Variants in CDH26 observed in about 807,000 individuals in gnomAD.
CDH26 encodes the protein cadherin 26, also known as cadherin-like protein 26.
A neutral mutation model predicts 90.3 loss-of-function variants in CDH26; 83 were observed. The ratio of observed to expected loss-of-function variants is 0.92; its 90% CI spans 0.77 to 1.10. The LOEUF is 1.10. Among genes scored for constraint, CDH26 ranks in the 50% least tolerant of loss-of-function variants. The probability of loss-of-function intolerance (pLI) is 0.00; values close to 1 mark genes in which losing one functional copy is unlikely to be tolerated. For synonymous variants in CDH26, 397 were observed against 396.3 expected, an observed-to-expected ratio of 1.00 and a Z score of -0.02; for missense variants, 1,013 against 1,037.6, an observed-to-expected ratio of 0.98 and a Z score of 0.33.
chr20:59,962,081 G>T (rs1394653182), intron 1 of CDH26, among the ~76,000 whole-genome samples: 1 of 152,210 alleles, frequency 6.6e-6, no homozygotes, highest in Non-Finnish European at 1.5e-5. Flanking sequence ...AGAAGGTGGG[G>T]ATAGTGTGGT....
chr20:59,968,975 C>T lies in CDH26; in HGVS notation c.78C>T (p.Ile26=). 1 of 1,565,170 alleles carries T rather than the reference C, an allele frequency of 6.4e-7. No individual in the cohort carries two copies. The highest frequency in any genetic ancestry group is 8.8e-7 in the Non-Finnish European group (1 of 1,137,332). The change falls in exon 2 of 18, where the codon ATC becomes ATT. Residue 26 remains isoleucine (I), a synonymous_variant. Transcript: ENST00000348616. ...TTATTTTTATTTTTAAGGTCAGTAT[C>T]ATTGACAGTGTTCAACAGGAAACAG... ...VLLLWLLQVS[I]IDSVQQETDD... is the part of the protein sequence containing the mutation.
chr20:60,023,383 G>T (rs1164481972), intron 7 of CDH26, among the ~76,000 whole-genome samples: 2 of 152,224 alleles, frequency 1.3e-5, no homozygotes, highest in African/African-American at 4.8e-5. Context: ...CGAAGCACGT[G>T]GCCTTGGCTT....
intron 7 of CDH26, among the ~76,000 whole-genome samples, chr20:60,028,707 A>T (rs145086556): frequency 2.4e-4 from 36 of 152,310 alleles, no homozygotes; most frequent in African/African-American, 8.4e-4. Context: ...TTGTGGAGAC[A>T]TCTGAACCCT....
intron 7 of CDH26, among the ~76,000 whole-genome samples, chr20:60,019,965 A>G (rs1312216810): frequency 6.6e-6 from 1 of 152,144 alleles, no homozygotes; most frequent in Admixed American, 6.5e-5. Context: ...GTCTTCAACT[A>G]TAATCCATGC....
intron 4 of CDH26, among the ~76,000 whole-genome samples, chr20:59,982,098 C>A (rs978344081): frequency 3.3e-5 from 5 of 152,132 alleles, no homozygotes; most frequent in African/African-American, 9.7e-5. Flanking sequence ...TATGTAGAAT[C>A]TCTAGTGATA....
At position 59,976,436 on chromosome 20, in the gene CDH26, C is replaced by T. The variant is rs553917258; in HGVS notation, c.393+4313C>T. On this transcript the variant is annotated intron_variant, in intron 4 of 17. Coordinates refer to ENST00000348616, the MANE Select transcript of CDH26 (RefSeq NM_177980.4). ...ATCTTATGGAACTAAAGGTCTCATA[C>T]GTAGCTTTAGGATAATAAATGAAAT... 4.6e-5 allele frequency among the ~76,000 whole-genome samples: 7 copies of T among 152,214 alleles called. No homozygotes were observed. The East Asian group carries it at 5.8e-4, about 13-fold the overall frequency.
intron 4 of CDH26, among the ~76,000 whole-genome samples, chr20:59,980,143 G>C (rs1164922996): frequency 6.6e-6 from 1 of 152,146 alleles, no homozygotes; most frequent in Non-Finnish European, 1.5e-5. Flanking sequence ...GGTTTTTTCA[G>C]TTTAGCTGTT....
At chr20:59,988,848 T>C (rs1211174196) in intron 8 of CDH26, 56 bp from the exon 9 acceptor site, 1 of 1,583,142 alleles carries the variant, frequency 6.3e-7, no homozygotes, top group African/African-American at 1.4e-5. Flanking sequence ...GGCGCTGGGC[T>C]TCCTCTGGCC....
chr20:59,971,996 T>A lies in CDH26; in HGVS notation c.266T>A (p.Met89Lys). 1 of 1,613,906 alleles carries A rather than the reference T, an allele frequency of 6.2e-7. No individual in the cohort carries two copies. Among genetic ancestry groups the A allele is most frequent in the Non-Finnish European group, 8.5e-7 (1 of 1,179,834 alleles). Residue 89 changes from methionine to lysine, a missense_variant, in exon 4 of 18, where the codon ATG becomes AAG. By Grantham distance (95) the Met-to-Lys change is moderately conservative. Transcript: ENST00000348616. ...AATATGTCTTATAACATGTCACTAA[T>A]GTATCTAATCAGTGGACCTGGTGTG... ...FNNMSYNMSL[M>K]YLISGPGVDE...
intron 13 of CDH26, among the ~76,000 whole-genome samples, chr20:59,998,852 T>C (rs2061638206): frequency 6.6e-6 from 1 of 152,200 alleles, no homozygotes; most frequent in African/African-American, 2.4e-5. Context: ...GCCGCCAATA[T>C]TAGCATTATT....
intron 12 of CDH26, chr20:59,996,337 A>G (rs2061596400): frequency 7.0e-7 from 1 of 1,438,058 alleles, no homozygotes; most frequent in African/African-American, 1.4e-5. Context: ...GGAGACAGCA[A>G]TGTACAGATA....
chr20:59,968,053 GTC>G lies in CDH26; in HGVS notation c.70-895_70-894del, dbSNP rs1229883988. 5.0e-4 allele frequency among the ~76,000 whole-genome samples: 35 copies of G among 70,696 alleles called. 2 individuals are homozygous for G. Among genetic ancestry groups the G allele is most frequent in the African/African-American group, 1.0e-3 (16 of 15,780 alleles). 46.4% of individuals were successfully genotyped at this position (70,696 alleles called of 152,430 possible). A position where few individuals can be genotyped will look rare whatever the true frequency, so the allele number is the denominator to read the frequency against. On this transcript the variant is annotated intron_variant, in intron 1 of 17. Coordinates refer to ENST00000348616, the MANE Select transcript of CDH26 (RefSeq NM_177980.4). ...TCTCTCTCTCTCTCTCTCTCTCTCTGTCTCTCTCTCTCTCTCTCTCCCTCTCT... is the reference window on the plus strand; with the variant it reads ...TCTCTCTCTCTCTCTCTCTCTCTCTGTCTCTCTCTCTCTCTCTCCCTCTCT...
intron 7 of CDH26, among the ~76,000 whole-genome samples, chr20:60,027,463 CTCTT>C (rs1320866001): frequency 1.3e-5 from 2 of 152,104 alleles, no homozygotes; most frequent in Admixed American, 6.6e-5. Flanking sequence ...CCTCTATATC[CTCTT>C]TCTTCTTCTT....
At chr20:59,989,320 A>C (rs1231954323) in intron 9 of CDH26, among the ~76,000 whole-genome samples, 157 bp downstream of exon 9, 1 of 151,652 alleles carries the variant, frequency 6.6e-6, no homozygotes, top group Non-Finnish European at 1.5e-5. Flanking sequence ...TGAGGTCAAG[A>C]GATCGAGACC....
At chr20:60,025,744 G>T (rs2061991961) in intron 7 of CDH26, among the ~76,000 whole-genome samples, 1 of 152,194 alleles carries the variant, frequency 6.6e-6, no homozygotes, top group African/African-American at 2.4e-5. Flanking sequence ...GTATTAAGCA[G>T]TGGGGTAAGT....
chr20:59,958,907 T>A (rs1693733463), intron 1 of CDH26, 112 bp downstream of exon 1: 2 of 1,070,308 alleles, frequency 1.9e-6, no homozygotes, highest in African/African-American at 3.1e-5. Flanking sequence ...TGTGACCTGC[T>A]GGGACCCAGG....
intron 1 of CDH26, among the ~76,000 whole-genome samples, chr20:59,965,447 C>A (rs2061136133): frequency 6.6e-6 from 1 of 152,150 alleles, no homozygotes; most frequent in African/African-American, 2.4e-5. Context: ...CCATAATAAA[C>A]CCATTCTATG....
rs1271441115 is a variant in CDH26, at chr20:59,995,326, G to A, written c.1667-507G>A. Among the ~76,000 whole-genome samples the A allele has an allele frequency of 2.0e-5, 3 of 152,180 alleles. No individual in the cohort carries two copies. The East Asian group carries it at 5.8e-4, about 29-fold the overall frequency. ...TATCAGTCTATTACCAGAGAGGCTG[G>A]AGACTGAGGCCGCCCACCTGGGAGG... On this transcript the variant is annotated intron_variant, in intron 11 of 17. Transcript: ENST00000348616.
chr20:59,974,842 A>G (rs771928000), intron 4 of CDH26, among the ~76,000 whole-genome samples: 9 of 152,020 alleles, frequency 5.9e-5, no homozygotes, highest in Non-Finnish European at 8.8e-5. Context: ...AACACCACTC[A>G]TCACCTGAAA....
Sources: gnomAD v4.1 joint callset for allele counts (sites outside exome capture counted in the v4.1 genomes callset) on GRCh38, gnomAD v4.1.1 for gene constraint, MANE v1.5 for transcripts, NCBI Gene and HGNC (gene_info 2026-07-23, HGNC 2026-07-21) for gene names.